Variants in IMMP2L observed in about 807,000 individuals in gnomAD.
IMMP2L encodes mitochondrial inner membrane protease subunit 2.
A neutral mutation model predicts 19.3 loss-of-function variants in IMMP2L; 18 were observed. That is an observed-to-expected ratio of 0.93 (90% CI 0.64 to 1.38). The LOEUF is 1.38. Ranked by LOEUF, IMMP2L falls within the 40% of genes most tolerant of loss-of-function variation. The pLI is 0.00. For synonymous variants in IMMP2L, 76 were observed against 73.0 expected (o/e 1.04, Z -0.21); for missense variants, 233 against 218.2 (o/e 1.07, Z -0.43).
At chr7:111,333,282 A>C (rs1826056366) in intron 3 of IMMP2L, among the ~76,000 whole-genome samples, 1 of 152,080 alleles carries the variant, frequency 6.6e-6, no homozygotes, top group Admixed American at 6.6e-5. Context: ...TTGTACAAGA[A>C]AATATCTTCA....
chr7:111,528,031 A>C (rs1256526524), intron 1 of IMMP2L, among the ~76,000 whole-genome samples: 1 of 152,184 alleles, frequency 6.6e-6, no homozygotes, highest in Non-Finnish European at 1.5e-5. Flanking sequence ...ACACTGTTAA[A>C]AGCTTCTATC....
chr7:111,282,749 A>C (rs143606298), intron 3 of IMMP2L, among the ~76,000 whole-genome samples: 1 of 152,190 alleles, frequency 6.6e-6, no homozygotes, highest in Non-Finnish European at 1.5e-5. Context: ...ATGCTAAGCT[A>C]ATTTTTGTGT....
intron 5 of IMMP2L, among the ~76,000 whole-genome samples, chr7:110,678,490 C>T (rs1249078393): frequency 6.6e-6 from 1 of 151,916 alleles, no homozygotes; most frequent in East Asian, 1.9e-4. Flanking sequence ...TAATCAGAGA[C>T]ATAGGCTCAA....
intron 3 of IMMP2L, among the ~76,000 whole-genome samples, chr7:111,302,755 G>T (rs1356651496): frequency 1.3e-5 from 2 of 151,978 alleles, no homozygotes; most frequent in Non-Finnish European, 2.9e-5. Flanking sequence ...TTATTACCTA[G>T]AATCTTTTAT....
At chr7:111,544,010 C>T (rs540420147) in intron 1 of IMMP2L, among the ~76,000 whole-genome samples, 2 of 152,108 alleles carry the variant, frequency 1.3e-5, no homozygotes, top group African/African-American at 2.4e-5. Flanking sequence ...GGAAATAAAG[C>T]GACCAACATA....
At chr7:111,046,099 T>C (rs1792365430) in intron 3 of IMMP2L, among the ~76,000 whole-genome samples, 2 of 151,886 alleles carry the variant, frequency 1.3e-5, no homozygotes, top group African/African-American at 4.8e-5. Context: ...AAAGATGACA[T>C]GTCCATAAAA....
intron 3 of IMMP2L, among the ~76,000 whole-genome samples, chr7:111,184,008 C>T (rs1004983034): frequency 4.6e-5 from 7 of 151,786 alleles, no homozygotes; most frequent in Non-Finnish European, 8.8e-5. Context: ...TTTGCACTGT[C>T]GTCACAATAA....
chr7:111,328,646 TA>T (rs748400158), intron 3 of IMMP2L, among the ~76,000 whole-genome samples: 12 of 151,832 alleles, frequency 7.9e-5, no homozygotes, highest in Non-Finnish European at 1.5e-4. Context: ...CTGTGTAGAA[TA>T]AATGCTCATG....
chr7:111,145,218 A>C (rs928071756), intron 3 of IMMP2L, among the ~76,000 whole-genome samples: 1 of 152,146 alleles, frequency 6.6e-6, no homozygotes, highest in African/African-American at 2.4e-5. Flanking sequence ...TTGGATCTTC[A>C]TCTAGCAAGA....
intron 3 of IMMP2L, among the ~76,000 whole-genome samples, chr7:111,153,847 T>C (rs1235551975): frequency 1.3e-5 from 2 of 152,094 alleles, no homozygotes; most frequent in African/African-American, 2.4e-5. Context: ...ATTATTGCCT[T>C]ATTAAGTACC....
intron 4 of IMMP2L, among the ~76,000 whole-genome samples, chr7:110,923,427 T>C (rs1464999235): frequency 3.3e-5 from 5 of 152,082 alleles, no homozygotes; most frequent in Admixed American, 3.3e-4. Context: ...ATTAATAGCA[T>C]CAAAAACAAA....
chr7:110,835,508 A>G (rs1804365281), intron 5 of IMMP2L, among the ~76,000 whole-genome samples: 2 of 147,464 alleles, frequency 1.4e-5, no homozygotes, highest in South Asian at 2.2e-4. Context: ...GACCAAGGAC[A>G]ACTATAAACC....
intron 3 of IMMP2L, among the ~76,000 whole-genome samples, chr7:111,025,500 T>A (rs551411514): frequency 6.6e-6 from 1 of 152,320 alleles, no homozygotes; most frequent in Non-Finnish European, 1.5e-5. Flanking sequence ...TATTTCCATC[T>A]AAATAAAACA....
At chr7:111,104,559 C>A (rs141146139) in intron 3 of IMMP2L, among the ~76,000 whole-genome samples, 1 of 151,494 alleles carries the variant, frequency 6.6e-6, no homozygotes, top group Non-Finnish European at 1.5e-5. Context: ...AGTATGGTTG[C>A]CAGCAATAGT....
At position 110,663,628 on chromosome 7, in the gene IMMP2L, A is replaced by G. The variant is rs1224736068; in HGVS notation, c.502T>C (p.Leu168=). The G allele has an allele frequency of 6.2e-7, 1 of 1,612,986 alleles. No homozygotes were observed. The highest frequency in any genetic ancestry group is 1.3e-5 in the African/African-American group (1 of 74,874). The change falls in exon 6 of 6, where the codon TTA becomes CTA. Residue 168 remains leucine (L), a synonymous_variant. Coordinates refer to ENST00000405709, the MANE Select transcript of IMMP2L (RefSeq NM_032549.4). ...CATTCCTCTTCTCTCTGTACTGGTA[A>G]GCGCTCTGGAGGAAGAACAGATTCC... ...KLESVLPPER[L]PVQREEE
intron 3 of IMMP2L, among the ~76,000 whole-genome samples, chr7:111,299,081 C>G (rs1464657210): frequency 6.6e-6 from 1 of 151,916 alleles, no homozygotes; most frequent in Non-Finnish European, 1.5e-5. Context: ...TCTTGAATTA[C>G]CAGAACCATA....
At chr7:111,292,622 CTG>C (rs1466841854) in intron 3 of IMMP2L, among the ~76,000 whole-genome samples, 2 of 151,994 alleles carry the variant, frequency 1.3e-5, no homozygotes, top group Non-Finnish European at 2.9e-5. Flanking sequence ...AGGCTAAAGA[CTG>C]TCATCTAGAG....
intron 3 of IMMP2L, among the ~76,000 whole-genome samples, chr7:111,215,944 T>C (rs953553413): frequency 3.9e-5 from 6 of 152,290 alleles, no homozygotes; most frequent in South Asian, 2.1e-4. Flanking sequence ...TCATTTCCTA[T>C]CTTGATTACT....
intron 2 of IMMP2L, among the ~76,000 whole-genome samples, chr7:111,493,700 G>A (rs1400205432): frequency 1.4e-5 from 2 of 137,980 alleles, no homozygotes; most frequent in East Asian, 4.6e-4. Context: ...GCAAGACTCC[G>A]TCTCAAAAAA....
Sources: gnomAD v4.1 joint callset for allele counts (sites outside exome capture counted in the v4.1 genomes callset) on GRCh38, gnomAD v4.1.1 for gene constraint, MANE v1.5 for transcripts, NCBI Gene and HGNC (gene_info 2026-07-23, HGNC 2026-07-21) for gene names.